Variants in TBC1D19 observed in about 807,000 individuals in gnomAD.
TBC1D19 encodes TBC1 domain family, member 19.
A neutral mutation model predicts 89.0 loss-of-function variants in TBC1D19; 60 were observed. The observed-to-expected ratio is 0.67, with a 90% CI of 0.55 to 0.84. The LOEUF (loss-of-function observed/expected upper bound fraction) is 0.84, where lower values mean the gene tolerates loss of function less well. Among genes scored for constraint, TBC1D19 ranks in the 40% least tolerant of loss-of-function variants. TBC1D19 has a pLI of 0.00. For synonymous variants in TBC1D19, 189 were observed against 199.7 expected (o/e 0.95, Z 0.45); for missense variants, 500 against 610.8 (o/e 0.82, Z 1.91).
the TBC1D19 span, among the ~76,000 whole-genome samples, chr4:26,835,974 G>GCTCTCTCT: frequency 8.7e-4 from 125 of 143,552 alleles, 1 homozygote; most frequent in African/African-American, 3.0e-3. Flanking sequence ...CATGTGAAGT[G>GCTCTCTCT]CTCTCTCTCT....
At chr4:26,800,059 G>A in the TBC1D19 span, among the ~76,000 whole-genome samples, 1 of 151,978 alleles carries the variant, frequency 6.6e-6, no homozygotes, top group African/African-American at 2.4e-5. Flanking sequence ...ACAATGTGCA[G>A]GTTTGTTACA....
At chr4:26,799,618 T>C in the TBC1D19 span, among the ~76,000 whole-genome samples, 11 of 152,146 alleles carry the variant, frequency 7.2e-5, no homozygotes. Flanking sequence ...CCCTCATGAA[T>C]GGGATTAGTG....
At chr4:26,646,226 A>G (rs1743935978) in intron 7 of TBC1D19, among the ~76,000 whole-genome samples, 1 of 152,112 alleles carries the variant, frequency 6.6e-6, no homozygotes, top group Non-Finnish European at 1.5e-5. Context: ...GCTCACCATC[A>G]CTGGCCATCA....
the TBC1D19 span, among the ~76,000 whole-genome samples, chr4:26,804,253 C>T: frequency 3.9e-5 from 6 of 152,148 alleles, no homozygotes; most frequent in African/African-American, 1.2e-4. Flanking sequence ...TCTAGCTATC[C>T]TCCTGCCTCA....
At chr4:26,594,576 C>G (rs918784324) in intron 1 of TBC1D19, among the ~76,000 whole-genome samples, 1 of 152,130 alleles carries the variant, frequency 6.6e-6, no homozygotes, top group African/African-American at 2.4e-5. Context: ...AGCCGTAAAA[C>G]ATGTTTTTCC....
intron 8 of TBC1D19, among the ~76,000 whole-genome samples, chr4:26,665,021 G>A (rs1042102900): frequency 6.6e-6 from 1 of 152,074 alleles, no homozygotes; most frequent in African/African-American, 2.4e-5. Context: ...GAGGTTGGCC[G>A]ACGATCGCTC....
intron 4 of TBC1D19, among the ~76,000 whole-genome samples, chr4:26,624,218 T>C (rs1742244033): frequency 6.6e-6 from 1 of 152,204 alleles, no homozygotes; most frequent in African/African-American, 2.4e-5. Context: ...ACAAAAGTCC[T>C]ATCTATTTTG....
At chr4:26,817,979 A>ATATATATATATATATATATAT in the TBC1D19 span, among the ~76,000 whole-genome samples, 27 of 107,316 alleles carry the variant, frequency 2.5e-4, no homozygotes, top group African/African-American at 1.2e-3. Flanking sequence ...AAAAAAAAAA[A>ATATATATATATATATATATAT]AAATATATAT....
intron 14 of TBC1D19, 68 bp from the exon 15 acceptor site, chr4:26,720,013 A>C: frequency 7.3e-7 from 1 of 1,365,646 alleles, no homozygotes; most frequent in South Asian, 1.4e-5. Context: ...TACATTCACA[A>C]AATAAGTTGA....
the TBC1D19 span, among the ~76,000 whole-genome samples, chr4:26,770,174 AT>A: frequency 2.0e-5 from 3 of 152,164 alleles, no homozygotes; most frequent in African/African-American, 7.2e-5. Context: ...GTCAGACTGG[AT>A]TAAAAAAGAT....
At chr4:26,722,198 T>G (rs1717023424) in intron 15 of TBC1D19, among the ~76,000 whole-genome samples, 1 of 152,206 alleles carries the variant, frequency 6.6e-6, no homozygotes, top group East Asian at 1.9e-4. Context: ...ATTTTAACTT[T>G]ATATATTACC....
chr4:26,717,320 C>G (rs1367120118), intron 13 of TBC1D19, among the ~76,000 whole-genome samples: 1 of 152,036 alleles, frequency 6.6e-6, no homozygotes, highest in Non-Finnish European at 1.5e-5. Context: ...AAATTCCAGG[C>G]TGGTGTCCTC....
intron 9 of TBC1D19, among the ~76,000 whole-genome samples, chr4:26,671,539 A>G (rs984893176): frequency 1.3e-5 from 2 of 151,814 alleles, no homozygotes; most frequent in Admixed American, 1.3e-4. Flanking sequence ...TAAAAATGTA[A>G]TATAGTCTAG....
intron 12 of TBC1D19, 151 bp from the exon 13 acceptor site, chr4:26,688,194 A>G: frequency 1.7e-6 from 2 of 1,190,420 alleles, no homozygotes; most frequent in Non-Finnish European, 2.1e-6. Context: ...TAGTTCAGTA[A>G]ATACATAGCA....
chr4:26,653,823 C>A (rs1422686784), intron 7 of TBC1D19, among the ~76,000 whole-genome samples: 4 of 152,102 alleles, frequency 2.6e-5, no homozygotes, highest in Non-Finnish European at 2.9e-5. Flanking sequence ...TTTACTCTTT[C>A]TCCAATGTGC....
At chr4:26,795,759 T>G in the TBC1D19 span, among the ~76,000 whole-genome samples, 363 of 152,286 alleles carry the variant, frequency 2.4e-3, 9 homozygotes, top group East Asian at 0.048. Context: ...TAAAATTATC[T>G]TGGAAGTTAT....
At chr4:26,626,735 C>T (rs568775455) in intron 4 of TBC1D19, among the ~76,000 whole-genome samples, 1 of 151,944 alleles carries the variant, frequency 6.6e-6, no homozygotes, top group South Asian at 2.1e-4. Context: ...CAGTTCTCAC[C>T]CTCTTCCTAA....
chr4:26,813,183 G>T, the TBC1D19 span, among the ~76,000 whole-genome samples: 3 of 152,094 alleles, frequency 2.0e-5, no homozygotes, highest in African/African-American at 7.2e-5. Flanking sequence ...CACTGCAGAG[G>T]CTCGCTGCAG....
intron 1 of TBC1D19, among the ~76,000 whole-genome samples, chr4:26,610,263 G>A (rs921041391): frequency 2.0e-5 from 3 of 151,914 alleles, no homozygotes; most frequent in Non-Finnish European, 4.4e-5. Flanking sequence ...AATCTATAAT[G>A]TATTGTTATG....
Sources: gnomAD v4.1 joint callset for allele counts (sites outside exome capture counted in the v4.1 genomes callset) on GRCh38, gnomAD v4.1.1 for gene constraint, MANE v1.5 for transcripts, NCBI Gene and HGNC (gene_info 2026-07-23, HGNC 2026-07-21) for gene names.